Variants in DEPDC1B observed in about 807,000 individuals in gnomAD.
The protein encoded by DEPDC1B is DEP domain-containing protein 1B.
DEPDC1B carries 51 observed loss-of-function variants against 66.5 expected under a neutral mutation model. The ratio of observed to expected loss-of-function variants is 0.77; its 90% CI spans 0.61 to 0.97. DEPDC1B has a LOEUF of 0.97. DEPDC1B is among the 50% of genes least tolerant of loss of function. The pLI, the probability that DEPDC1B is intolerant of heterozygous loss-of-function variation, is 0.00. For missense variants in DEPDC1B, 552 were observed against 637.1 expected (o/e 0.87, Z 1.44); for synonymous variants, 226 against 223.6 (o/e 1.01, Z -0.10).
At chr5:60,690,995 T>G (rs1456424440) in intron 1 of DEPDC1B, among the ~76,000 whole-genome samples, 2 of 152,078 alleles carry the variant, frequency 1.3e-5, no homozygotes, top group East Asian at 3.9e-4. Context: ...TGTAGCACAG[T>G]GTGTGACCCA....
chr5:60,691,710 A>G (rs1381580521), intron 1 of DEPDC1B, among the ~76,000 whole-genome samples: 1 of 152,244 alleles, frequency 6.6e-6, no homozygotes, highest in Non-Finnish European at 1.5e-5. Flanking sequence ...CCTATAACAT[A>G]TACAAAGATG....
intron 5 of DEPDC1B, among the ~76,000 whole-genome samples, chr5:60,644,099 C>A (rs1192956011): frequency 6.6e-6 from 1 of 152,174 alleles, no homozygotes; most frequent in Non-Finnish European, 1.5e-5. Flanking sequence ...AATCAATGAG[C>A]CCATCCAAAT....
chr5:60,665,640 A>C (rs2111960699), intron 2 of DEPDC1B, among the ~76,000 whole-genome samples: 1 of 152,278 alleles, frequency 6.6e-6, no homozygotes, highest in East Asian at 1.9e-4. Context: ...GGAAGCAGTT[A>C]AGAGTGGTAG....
chr5:60,659,016 T>C (rs953220489), intron 2 of DEPDC1B, among the ~76,000 whole-genome samples: 15 of 152,210 alleles, frequency 9.9e-5, no homozygotes, highest in African/African-American at 2.9e-4. Flanking sequence ...TTTTCCTGCA[T>C]GGCTAAGGGC....
At chr5:60,631,769 C>G (rs746303090) in intron 7 of DEPDC1B, among the ~76,000 whole-genome samples, 5 of 152,194 alleles carry the variant, frequency 3.3e-5, no homozygotes, top group Non-Finnish European at 7.3e-5. Flanking sequence ...ATAAAATAGT[C>G]AATCAACACA....
intron 8 of DEPDC1B, among the ~76,000 whole-genome samples, chr5:60,603,799 ACCT>A (rs1752252569): frequency 2.0e-5 from 3 of 149,448 alleles, no homozygotes; most frequent in African/African-American, 7.5e-5. Context: ...CAATTTTTAA[ACCT>A]CCTTTTACAC....
At chr5:60,642,265 T>C (rs933733527) in intron 6 of DEPDC1B, among the ~76,000 whole-genome samples, 2 of 152,210 alleles carry the variant, frequency 1.3e-5, no homozygotes, top group African/African-American at 4.8e-5. Flanking sequence ...AATTATTTGT[T>C]TGGGTTAAGC....
intron 2 of DEPDC1B, among the ~76,000 whole-genome samples, chr5:60,668,362 C>G (rs1033315455): frequency 6.7e-6 from 1 of 149,920 alleles, no homozygotes; most frequent in East Asian, 2.0e-4. Context: ...GCAACCTCCG[C>G]CTCCCAGGTT....
intron 1 of DEPDC1B, among the ~76,000 whole-genome samples, chr5:60,692,097 A>G (rs985383407): frequency 2.0e-5 from 3 of 152,214 alleles, no homozygotes; most frequent in African/African-American, 7.2e-5. Context: ...AAAAACAAAT[A>G]ATGCCTATTC....
chr5:60,679,340 G>T (rs1332934869), intron 2 of DEPDC1B, among the ~76,000 whole-genome samples: 2 of 152,132 alleles, frequency 1.3e-5, no homozygotes, highest in African/African-American at 2.4e-5. Flanking sequence ...TGATTCCTCT[G>T]CTTTTTACAT....
chr5:60,610,960 G>A (rs1003815512), intron 7 of DEPDC1B, among the ~76,000 whole-genome samples: 3 of 152,130 alleles, frequency 2.0e-5, no homozygotes, highest in African/African-American at 4.8e-5. Context: ...CTTTATTGGA[G>A]TCACCTATTA....
At chr5:60,613,465 A>G (rs2111745610) in intron 7 of DEPDC1B, among the ~76,000 whole-genome samples, 1 of 152,354 alleles carries the variant, frequency 6.6e-6, no homozygotes, top group East Asian at 1.9e-4. Context: ...CAAAACAGTG[A>G]GACAAAGATC....
At chr5:60,627,028 T>C (rs138061410) in intron 7 of DEPDC1B, among the ~76,000 whole-genome samples, 1 of 152,276 alleles carries the variant, frequency 6.6e-6, no homozygotes, top group East Asian at 1.9e-4. Context: ...ATGTTAATTA[T>C]TTTTCAATTC....
chr5:60,647,100 C>A (rs1753335144), intron 3 of DEPDC1B, among the ~76,000 whole-genome samples: 1 of 151,828 alleles, frequency 6.6e-6, no homozygotes, highest in African/African-American at 2.4e-5. Context: ...CCCACCCCCA[C>A]CCCAGCAGCC....
chr5:60,700,012 G>C (rs1361586794), intron 1 of DEPDC1B, 34 bp downstream of exon 1: 2 of 1,547,530 alleles, frequency 1.3e-6, no homozygotes, highest in Admixed American at 3.9e-5. Context: ...CGCGGCACCG[G>C]GTGCTCCGCC....
intron 5 of DEPDC1B, among the ~76,000 whole-genome samples, 175 bp downstream of exon 5, chr5:60,644,570 A>C (rs1753265443): frequency 6.6e-6 from 1 of 152,224 alleles, no homozygotes; most frequent in African/African-American, 2.4e-5. Context: ...CTAGATACTC[A>C]TCTTCCTATG....
intron 7 of DEPDC1B, among the ~76,000 whole-genome samples, chr5:60,618,756 GAA>G (rs1752629557): frequency 6.6e-6 from 1 of 152,136 alleles, no homozygotes; most frequent in South Asian, 2.1e-4. Context: ...CCAATCAATA[GAA>G]AAAGAGGGAA....
intron 2 of DEPDC1B, among the ~76,000 whole-genome samples, chr5:60,651,540 C>CAA (rs774242933): frequency 0.091 from 13,148 of 144,032 alleles, 1,117 homozygotes; most frequent in African/African-American, 0.22. Flanking sequence ...AAAAAAAAAA[C>CAA]AAAAAAAACA....
chr5:60,628,497 A>T (rs1044506845), intron 7 of DEPDC1B: 56 of 151,652 alleles, frequency 3.7e-4, no homozygotes, highest in African/African-American at 1.2e-3. Flanking sequence ...AAAAGGAATT[A>T]AAAAAAAAGT....
Sources: allele counts gnomAD v4.1 joint callset (sites outside exome capture counted in the v4.1 genomes callset), GRCh38; gene constraint gnomAD v4.1.1; transcripts MANE v1.5; gene names NCBI Gene and HGNC (gene_info 2026-07-23, HGNC 2026-07-21).